The following CNNM2 variants were observed in gnomAD, a reference collection of about 807,000 sequenced individuals.
CNNM2 encodes the protein metal transporter CNNM2.
A neutral mutation model predicts 66.9 loss-of-function variants in CNNM2; 12 were observed. The observed-to-expected ratio is 0.18, with a 90% CI of 0.11 to 0.29. The LOEUF (loss-of-function observed/expected upper bound fraction) is 0.29. CNNM2 is among the 10% of genes least tolerant of loss of function. The pLI is 1.00. For synonymous variants in CNNM2, 557 were observed against 501.8 expected, an observed-to-expected ratio of 1.11 and a Z score of -1.47; for missense variants, 705 against 1,167.7, an observed-to-expected ratio of 0.60 and a Z score of 5.77.
chr10:103,065,357 G>A (rs902243385), intron 4 of CNNM2, among the ~76,000 whole-genome samples: 6 of 152,136 alleles, frequency 3.9e-5, no homozygotes, highest in African/African-American at 1.2e-4. Flanking sequence ...CCCGAGGGCC[G>A]GAGCCAGAGT....
intron 6 of CNNM2, 43 bp from the exon 7 acceptor site, chr10:103,076,043 A>G: frequency 6.5e-7 from 1 of 1,538,178 alleles, no homozygotes; most frequent in Non-Finnish European, 8.9e-7. Context: ...TATTGGCTGT[A>G]TCTACTTCAC....
intron 1 of CNNM2, among the ~76,000 whole-genome samples, chr10:102,966,103 A>AT (rs1267925332): frequency 6.6e-6 from 1 of 152,172 alleles, no homozygotes; most frequent in East Asian, 1.9e-4. Context: ...CCACTTGCAG[A>AT]TTTTATATTC....
chr10:102,997,420 A>G (rs2064023927), intron 1 of CNNM2, among the ~76,000 whole-genome samples: 1 of 152,178 alleles, frequency 6.6e-6, no homozygotes, highest in Non-Finnish European at 1.5e-5. Flanking sequence ...CTTTCCAAAT[A>G]TTATTTTGAT....
intron 1 of CNNM2, among the ~76,000 whole-genome samples, chr10:103,005,431 C>T (rs556152048): frequency 1.3e-4 from 19 of 151,906 alleles, no homozygotes; most frequent in Middle Eastern, 3.4e-3. Flanking sequence ...GGTGGATCAC[C>T]TGAGGTCAGG....
At chr10:103,071,956 G>GAGCTTT in intron 6 of CNNM2, 117 bp downstream of exon 6, 1 of 895,992 alleles carries the variant, frequency 1.1e-6, no homozygotes, top group Non-Finnish European at 1.9e-6. Flanking sequence ...GTGTTCCTTG[G>GAGCTTT]AGCGCTAAAG....
At chr10:102,976,493 G>A (rs572183282) in intron 1 of CNNM2, among the ~76,000 whole-genome samples, 1 of 144,256 alleles carries the variant, frequency 6.9e-6, no homozygotes, top group African/African-American at 2.6e-5. Flanking sequence ...GAGTGCAGGG[G>A]TGTGATTGCA....
chr10:102,990,248 GAGCCACCGCGCCCGGTTTA>G (rs1359793643), intron 1 of CNNM2, among the ~76,000 whole-genome samples: 1 of 152,008 alleles, frequency 6.6e-6, no homozygotes, highest in Non-Finnish European at 1.5e-5. Flanking sequence ...TTACAGGTGT[GAGCCACCGCGCCCGGTTTA>G]AGCCACCGTG....
At chr10:103,013,565 A>G (rs527764117) in intron 1 of CNNM2, among the ~76,000 whole-genome samples, 1 of 152,288 alleles carries the variant, frequency 6.6e-6, no homozygotes, top group Non-Finnish European at 1.5e-5. Context: ...CAGGACACCA[A>G]GAAGAAATGG....
At chr10:103,003,678 G>A (rs984520955) in intron 1 of CNNM2, among the ~76,000 whole-genome samples, 1 of 151,792 alleles carries the variant, frequency 6.6e-6, no homozygotes, top group African/African-American at 2.4e-5. Flanking sequence ...ACAAAAATTA[G>A]CCGGAAATCA....
chr10:103,048,607 GA>G (rs2065167425), intron 1 of CNNM2, among the ~76,000 whole-genome samples: 2 of 139,210 alleles, frequency 1.4e-5, no homozygotes, highest in African/African-American at 5.2e-5. Context: ...TCATTTTTGA[GA>G]AAATGCCTGA....
At chr10:103,038,539 TA>T (rs2064983075) in intron 1 of CNNM2, among the ~76,000 whole-genome samples, 1 of 152,186 alleles carries the variant, frequency 6.6e-6, no homozygotes, top group Admixed American at 6.5e-5. Context: ...CGCTAATAGA[TA>T]AATTCAGGGT....
intron 1 of CNNM2, among the ~76,000 whole-genome samples, chr10:103,028,814 C>CTTTTTTTTTTTTT (rs67846722): frequency 2.4e-5 from 3 of 126,180 alleles, no homozygotes; most frequent in African/African-American, 3.0e-5. Context: ...TTTTCTTTTT[C>CTTTTTTTTTTTTT]TTTTTTTTTT....
rs533595491 is a variant in CNNM2 at position 103,047,585 on chromosome 10, C to T, written c.1622-2122C>T. ...GTAAGATGTTAACAATGGGGGAAAC[C>T]GGGTGAAGGGTTTATAGGAACTCTC... On this transcript the variant is annotated intron_variant, in intron 1 of 7. Transcript: ENST00000369878. 2.0e-4 allele frequency among the ~76,000 whole-genome samples: 31 copies of T among 152,216 alleles called. No individual in the cohort carries two copies. The South Asian group carries it at 3.5e-3, about 17-fold the overall frequency.
chr10:102,999,801 T>C (rs978627767), intron 1 of CNNM2, among the ~76,000 whole-genome samples: 8 of 152,174 alleles, frequency 5.3e-5, no homozygotes, highest in African/African-American at 1.7e-4. Flanking sequence ...TTATCACTAA[T>C]CACTAGGGAA....
At chr10:103,003,403 C>T (rs1403927481) in intron 1 of CNNM2, among the ~76,000 whole-genome samples, 1 of 152,134 alleles carries the variant, frequency 6.6e-6, no homozygotes. Context: ...CATAAGCTAC[C>T]ACACCTAGCC....
At chr10:103,013,108 T>C (rs1012831652) in intron 1 of CNNM2, among the ~76,000 whole-genome samples, 17 of 152,306 alleles carry the variant, frequency 1.1e-4, no homozygotes, top group African/African-American at 4.1e-4. Flanking sequence ...ATTCTGGTTC[T>C]GTGTGCCTCT....
chr10:102,987,211 T>TA (rs2063812357), intron 1 of CNNM2, among the ~76,000 whole-genome samples: 1 of 152,168 alleles, frequency 6.6e-6, no homozygotes, highest in South Asian at 2.1e-4. Flanking sequence ...AAGAAAATGA[T>TA]ATATTCTAAA....
intron 1 of CNNM2, chr10:102,927,246 T>C (rs922550074): frequency 6.7e-7 from 1 of 1,501,056 alleles, no homozygotes; most frequent in Non-Finnish European, 9.2e-7. Context: ...GCTTGACATA[T>C]AAAGAGTACT....
intron 6 of CNNM2, among the ~76,000 whole-genome samples, chr10:103,075,830 CTG>C (rs2065680655): frequency 6.6e-6 from 1 of 152,092 alleles, no homozygotes; most frequent in African/African-American, 2.4e-5. Flanking sequence ...AGGGTTTTTG[CTG>C]TTAGAGACTT....
Sources: gnomAD v4.1 joint callset for allele counts (sites outside exome capture counted in the v4.1 genomes callset) on GRCh38, gnomAD v4.1.1 for gene constraint, MANE v1.5 for transcripts, NCBI Gene and HGNC (gene_info 2026-07-23, HGNC 2026-07-21) for gene names.